CLIP2: variants seen among roughly 807,000 people sequenced by gnomAD.
The protein encoded by CLIP2 is CAP-Gly domain-containing linker protein 2.
CLIP2 carries 41 observed loss-of-function variants against 111.7 expected under a neutral mutation model. The observed-to-expected ratio is 0.37, with a 90% CI of 0.29 to 0.48. The LOEUF is 0.48. CLIP2 is among the 20% of genes least tolerant of loss of function. CLIP2 has a pLI of 0.99. For synonymous variants in CLIP2, 660 were observed against 644.2 expected, an observed-to-expected ratio of 1.02 and a Z score of -0.37; for missense variants, 1,160 against 1,422.1, an observed-to-expected ratio of 0.82 and a Z score of 2.96.
intron 2 of CLIP2, among the ~76,000 whole-genome samples, chr7:74,331,572 T>C (rs1168959394): frequency 7.4e-6 from 1 of 135,578 alleles, no homozygotes; most frequent in Non-Finnish European, 1.6e-5. Flanking sequence ...CTTTTTTTTT[T>C]TTTTTTTTTT....
rs1429482628 is a variant in CLIP2, at chr7:74,289,412, T to G, written c.-390T>G. ...CGCCCGCCCCTGCGCCGGCCCCTTT[T>G]GTTCCCTCCCGGAGCCGGGCCGCTG... On this transcript the variant is annotated 5_prime_UTR_variant, in exon 1 of 17. Coordinates refer to ENST00000223398, the MANE Select transcript of CLIP2 (RefSeq NM_003388.5). The G allele has an allele frequency of 6.6e-6, 1 of 150,806 alleles. No individual in the cohort carries two copies. Among genetic ancestry groups the G allele is most frequent in the Non-Finnish European group, 1.5e-5 (1 of 67,464 alleles). The allele number at this position is 150,806 out of a possible 1,614,324, so 9.3% of individuals were successfully genotyped here.
At chr7:74,399,886 G>A (rs1165154564) in intron 14 of CLIP2, among the ~76,000 whole-genome samples, 1 of 151,520 alleles carries the variant, frequency 6.6e-6, no homozygotes. Flanking sequence ...TGGGCGCAGT[G>A]GCTCATGCCT....
At chr7:74,390,816 G>A (rs1554315766) in intron 13 of CLIP2, among the ~76,000 whole-genome samples, 1 of 152,064 alleles carries the variant, frequency 6.6e-6, no homozygotes. Context: ...GGGAGGTCGA[G>A]GTGGGCAGAT....
intron 1 of CLIP2, among the ~76,000 whole-genome samples, chr7:74,314,929 G>A (rs1788730051): frequency 6.6e-6 from 1 of 152,212 alleles, no homozygotes; most frequent in Admixed American, 6.6e-5. Context: ...CCTCTCCAGA[G>A]TCCCTTTTGT....
intron 3 of CLIP2, among the ~76,000 whole-genome samples, chr7:74,342,649 C>T (rs1452769633): frequency 6.6e-6 from 1 of 152,072 alleles, no homozygotes; most frequent in African/African-American, 2.4e-5. Flanking sequence ...TGCGGTGGCT[C>T]ACACCTGTAA....
At chr7:74,306,010 A>T (rs1788477082) in intron 1 of CLIP2, among the ~76,000 whole-genome samples, 1 of 149,526 alleles carries the variant, frequency 6.7e-6, no homozygotes, top group Non-Finnish European at 1.5e-5. Flanking sequence ...CGTCCAGGAG[A>T]CCCTGCCTGT....
At chr7:74,367,344 C>T (rs993610071) in intron 8 of CLIP2, among the ~76,000 whole-genome samples, 13 of 152,254 alleles carry the variant, frequency 8.5e-5, no homozygotes, top group Middle Eastern at 3.4e-3. Flanking sequence ...GCATCCACCA[C>T]CATGCCCGGC....
intron 1 of CLIP2, among the ~76,000 whole-genome samples, chr7:74,301,254 G>A (rs1285168132): frequency 2.6e-5 from 4 of 152,084 alleles, no homozygotes; most frequent in African/African-American, 9.7e-5. Flanking sequence ...TTTTATGTCC[G>A]ACTTCTTTCA....
chr7:74,355,569 C>T lies in CLIP2; in HGVS notation c.804-841C>T, dbSNP rs562391519. 3.9e-5 allele frequency among the ~76,000 whole-genome samples: 6 copies of T among 152,122 alleles called. No homozygotes were observed. The East Asian group carries it at 7.7e-4, about 20-fold the overall frequency. Reference sequence around the variant, plus strand: ...AGGCTGCAGTGAGCTATGATCGCACCGCTGCACTCCAGCCTGGGTAACAGA... The same window carrying T: ...AGGCTGCAGTGAGCTATGATCGCACTGCTGCACTCCAGCCTGGGTAACAGA... On this transcript the variant is annotated intron_variant, in intron 4 of 16. Transcript: ENST00000223398.
chr7:74,381,081 T>C (rs781987093), intron 11 of CLIP2: 13 of 402,856 alleles, frequency 3.2e-5, no homozygotes, highest in Admixed American at 1.7e-4. Context: ...TTTTTCTTTT[T>C]CTTTTGAAAC....
At chr7:74,339,250 C>T (rs554203392) in intron 3 of CLIP2, among the ~76,000 whole-genome samples, 7 of 152,190 alleles carry the variant, frequency 4.6e-5, no homozygotes, top group African/African-American at 1.4e-4. Flanking sequence ...TTCTGGGCCT[C>T]GCTCTTTCTA....
intron 13 of CLIP2, among the ~76,000 whole-genome samples, chr7:74,393,503 A>G (rs1791354927): frequency 1.3e-5 from 2 of 151,128 alleles, no homozygotes; most frequent in Non-Finnish European, 2.9e-5. Flanking sequence ...TGCCCGGCTA[A>G]TTTTGTATTT....
At position 74,375,969 on chromosome 7, in the gene CLIP2, A is replaced by G. The variant is rs1554312704; in HGVS notation, c.1568A>G (p.Gln523Arg). Residue 523 changes from glutamine (Q) to arginine (R), a missense_variant, in exon 10 of 17, where the codon CAG (glutamine) becomes CGG (arginine). Around this residue, in one of 5 missense-constraint regions of CLIP2, gnomAD observed 676 missense variants for 777.8 expected, o/e 0.87. Transcript: ENST00000223398. The stretch of plus-strand genomic sequence containing the variant: ...CGCCGAGGTGAAATCGAGGAGCTCC[A>G]GCAGTGCCTGTTGCACTCGGGTCCC... ...TLRRGEIEEL[Q>R]QCLLHSGPPP... The G allele has an allele frequency of 6.2e-7, 1 of 1,609,890 alleles. No homozygotes were observed. Among genetic ancestry groups the G allele is most frequent in the Non-Finnish European group, 8.5e-7 (1 of 1,178,816 alleles).
chr7:74,298,085 T>G (rs556269032), intron 1 of CLIP2, among the ~76,000 whole-genome samples: 1 of 151,992 alleles, frequency 6.6e-6, no homozygotes, highest in Admixed American at 6.6e-5. Context: ...GTGCCCACGC[T>G]TGCAATCTCA....
At chr7:74,300,267 A>C (rs949662132) in intron 1 of CLIP2, among the ~76,000 whole-genome samples, 1 of 150,688 alleles carries the variant, frequency 6.6e-6, no homozygotes, top group African/African-American at 2.4e-5. Flanking sequence ...GATTACAGGC[A>C]TGAGCCCCCA....
At chr7:74,304,556 CA>C (rs11372908) in intron 1 of CLIP2, among the ~76,000 whole-genome samples, 95 of 130,478 alleles carry the variant, frequency 7.3e-4, no homozygotes, top group African/African-American at 1.0e-3. Flanking sequence ...GAGACTCTGA[CA>C]AAAAAAAAAA....
Position 74,403,838 on chromosome 7 carries a change from A to G in CLIP2, c.3131A>G (p.Asp1044Gly). 2 of 1,613,168 alleles carry G rather than the reference A, an allele frequency of 1.2e-6. No individual in the cohort carries two copies. The highest frequency in any genetic ancestry group is 1.7e-6 in the Non-Finnish European group (2 of 1,179,806). Residue 1044 changes from aspartate to glycine, a missense_variant and splice_region_variant, in exon 17 of 17, where the codon GAC becomes GGC. By Grantham distance (94) the Asp-to-Gly change is moderately conservative. This residue lies in a region of CLIP2 where 676 missense variants were observed against 777.8 expected (regional missense o/e 0.87). Coordinates refer to ENST00000223398, the MANE Select transcript of CLIP2 (RefSeq NM_003388.5). Reference protein sequence around the residue: ...HQQDKAQKQEDKH With the variant: ...HQQDKAQKQEGKH The stretch of plus-strand genomic sequence containing the variant: ...GATGATGCCCTTTACTCTCTCTAGG[A>G]CAAGCACTGATCCTGAGGGGATACT...
At chr7:74,314,647 C>T (rs1554728894) in intron 1 of CLIP2, among the ~76,000 whole-genome samples, 2 of 152,240 alleles carry the variant, frequency 1.3e-5, no homozygotes, top group African/African-American at 4.8e-5. Context: ...AATCCTCCAT[C>T]CGACTATGGT....
At chr7:74,335,643 T>TTTCCTTCC (rs199977061) in intron 2 of CLIP2, among the ~76,000 whole-genome samples, 33,506 of 137,584 alleles carry the variant, frequency 0.24, 4,794 homozygotes, top group Middle Eastern at 0.32. Context: ...CCTGGCTTAT[T>TTTCCTTCC]TTCCTTCCTT....
Sources: allele counts gnomAD v4.1 joint callset (sites outside exome capture counted in the v4.1 genomes callset), GRCh38; gene constraint gnomAD v4.1.1; regional missense constraint gnomAD v4.1.1; transcripts MANE v1.5; gene names NCBI Gene and HGNC (gene_info 2026-07-23, HGNC 2026-07-21).